The following ARHGEF7 variants were observed in gnomAD, a reference collection of about 807,000 sequenced individuals.
ARHGEF7 encodes Rho guanine nucleotide exchange factor 7, also known as PAK-interacting exchange factor beta.
ARHGEF7 carries 33 observed loss-of-function variants against 109.8 expected under a neutral mutation model. The ratio of observed to expected loss-of-function variants is 0.30; its 90% CI spans 0.23 to 0.40. ARHGEF7 has a LOEUF of 0.40. ARHGEF7 is among the 10% of genes least tolerant of loss of function. The pLI, the probability that ARHGEF7 is intolerant of heterozygous loss-of-function variation, is 1.00. For synonymous variants in ARHGEF7, 458 were observed against 424.6 expected (o/e 1.08, Z -0.97); for missense variants, 938 against 1,098.5 (o/e 0.85, Z 2.07).
At chr13:111,188,379 T>TA (rs2079493359) in intron 2 of ARHGEF7, among the ~76,000 whole-genome samples, 1 of 152,238 alleles carries the variant, frequency 6.6e-6, no homozygotes. Flanking sequence ...CACTGAGTTT[T>TA]AGAGTGAGTT....
chr13:111,152,701 C>G (rs1566635476), intron 1 of ARHGEF7, among the ~76,000 whole-genome samples: 1 of 152,188 alleles, frequency 6.6e-6, no homozygotes, highest in Non-Finnish European at 1.5e-5. Flanking sequence ...TGCTAGAGTT[C>G]TAGATGACGC....
At chr13:111,224,322 G>T (rs922188283) in intron 5 of ARHGEF7, among the ~76,000 whole-genome samples, 12 of 152,080 alleles carry the variant, frequency 7.9e-5, no homozygotes, top group African/African-American at 2.9e-4. Context: ...GCTGTGATTG[G>T]ATAGAAGTGG....
At chr13:111,274,185 T>C (rs1470419862) in intron 10 of ARHGEF7, among the ~76,000 whole-genome samples, 3 of 152,216 alleles carry the variant, frequency 2.0e-5, no homozygotes, top group Non-Finnish European at 4.4e-5. Context: ...TTCCAAAAGC[T>C]GAAACATGAG....
chr13:111,285,762 A>G (rs552373474), intron 16 of ARHGEF7, among the ~76,000 whole-genome samples: 1 of 152,286 alleles, frequency 6.6e-6, no homozygotes, highest in Non-Finnish European at 1.5e-5. Context: ...TAGCTGTGCC[A>G]GGGGATAGGT....
intron 4 of ARHGEF7, among the ~76,000 whole-genome samples, chr13:111,214,188 G>A (rs1371161419): frequency 6.6e-6 from 1 of 152,200 alleles, no homozygotes; most frequent in Non-Finnish European, 1.5e-5. Flanking sequence ...TCCCTCACCC[G>A]TACCTTAAGT....
intron 2 of ARHGEF7, chr13:111,159,003 A>G: frequency 1.4e-6 from 1 of 718,178 alleles, no homozygotes; most frequent in South Asian, 1.5e-5. Context: ...CCCTTTGACT[A>G]ACATCTCCCC....
intron 12 of ARHGEF7, among the ~76,000 whole-genome samples, chr13:111,277,007 A>G (rs972717756): frequency 6.6e-6 from 1 of 152,188 alleles, no homozygotes; most frequent in East Asian, 1.9e-4. Context: ...GATGTAAACC[A>G]GGTGATGTTT....
intron 2 of ARHGEF7, chr13:111,159,161 C>G (rs1196416903): frequency 1.4e-6 from 1 of 701,920 alleles, no homozygotes. Context: ...GCCCTGCTTT[C>G]TCTTAGCACA....
Position 111,228,618 on chromosome 13 carries a change from C to T in ARHGEF7, c.671-4587C>T, listed in dbSNP as rs111746950. On this transcript the variant is annotated intron_variant, in intron 5 of 21. Coordinates refer to ENST00000646102, the MANE Select transcript of ARHGEF7 (RefSeq NM_001354046.2). The surrounding 1 kb of genome is among the most constrained non-coding windows in gnomAD (Gnocchi z 4.6). ...AATTATAACATTTTCGAACAAAGAT[C>T]GAGCGTCTTAGCAGATCATCCCTTG... 3.3e-5 allele frequency among the ~76,000 whole-genome samples: 5 copies of T among 152,078 alleles called. No individual in the cohort carries two copies. The highest frequency in any genetic ancestry group is 2.6e-4 in the Admixed American group (4 of 15,272).
intron 2 of ARHGEF7, among the ~76,000 whole-genome samples, chr13:111,178,184 C>T (rs1335484560): frequency 6.6e-6 from 1 of 152,164 alleles, no homozygotes; most frequent in Non-Finnish European, 1.5e-5. Flanking sequence ...CCTCCTCTCT[C>T]TTTTTCTTGA....
In ARHGEF7 at chr13:111,255,134, G is replaced by A. The variant is rs112895684; in HGVS notation, c.950+10840G>A. ...CGGGCTAAGGCGCTGAGTCGCTAAC[G>A]TGAAGGCCGGGCCCAGAAGAGGATT... On this transcript the variant is annotated intron_variant, in intron 8 of 21. Coordinates refer to ENST00000646102, the MANE Select transcript of ARHGEF7 (RefSeq NM_001354046.2). The surrounding 1 kb of genome is among the most constrained non-coding windows in gnomAD (Gnocchi z 4.1). 4.0e-5 allele frequency among the ~76,000 whole-genome samples: 4 copies of A among 100,286 alleles called. No individual in the cohort carries two copies. Among genetic ancestry groups the A allele is most frequent in the African/African-American group, 7.7e-5 (2 of 25,822 alleles). The allele number at this position is 100,286 out of a possible 152,430, so 65.8% of individuals were successfully genotyped here. A position where few individuals can be genotyped will look rare whatever the true frequency, so the allele number is the denominator to read the frequency against.
At chr13:111,232,536 G>C (rs1425457728) in intron 5 of ARHGEF7, among the ~76,000 whole-genome samples, 1 of 152,228 alleles carries the variant, frequency 6.6e-6, no homozygotes, top group African/African-American at 2.4e-5. Context: ...TGTTTCTTCA[G>C]CACCTGTTAT....
At chr13:111,147,940 G>A (rs951740421) in intron 1 of ARHGEF7, among the ~76,000 whole-genome samples, 6 of 151,894 alleles carry the variant, frequency 4.0e-5, no homozygotes, top group Admixed American at 2.0e-4. Context: ...CTCGTGATCC[G>A]CCCGCCTCGG....
At chr13:111,291,765 A>G (rs117053227) in intron 18 of ARHGEF7, among the ~76,000 whole-genome samples, 2,129 of 152,370 alleles carry the variant, frequency 0.014, 22 homozygotes, top group Middle Eastern at 0.061. Context: ...TAATTGCCAC[A>G]TGTCTATAGA....
At chr13:111,281,160 A>ACTTG (rs1282747330) in intron 15 of ARHGEF7, 4 of 143,666 alleles carry the variant, frequency 2.8e-5, no homozygotes, top group African/African-American at 1.0e-4. Flanking sequence ...AAAGCTCAAC[A>ACTTG]AGTCTTTGGA....
At chr13:111,178,967 CTTTT>C (rs557713033) in intron 2 of ARHGEF7, among the ~76,000 whole-genome samples, 8 of 151,184 alleles carry the variant, frequency 5.3e-5, no homozygotes, top group Non-Finnish European at 1.0e-4. Flanking sequence ...CGTCCCCCCC[CTTTT>C]TTTTTGTTTT....
intron 20 of ARHGEF7, 24 bp downstream of exon 20, chr13:111,300,871 A>C (rs2093549239): frequency 6.6e-7 from 1 of 1,525,216 alleles, no homozygotes. Context: ...CGGTATTCTA[A>C]AGCAGATGTT....
Position 111,295,196 on chromosome 13 carries a change from C to T in ARHGEF7, c.2311+2902C>T, listed in dbSNP as rs2274204. On this transcript the variant is annotated intron_variant, in intron 19 of 21. Transcript: ENST00000646102. ...GAAATAAATTTTGCATTTGCTAGCC[C>T]GTGGCTTTTAATATTTGTTACATGG... 259 of 985,636 alleles carry T rather than the reference C, an allele frequency of 2.6e-4. 3 individuals are homozygous for T. The East Asian group carries it at 0.022, about 82-fold the overall frequency. The allele number at this position is 985,636 out of a possible 1,614,324, so 61.1% of individuals were successfully genotyped here.
intron 2 of ARHGEF7, among the ~76,000 whole-genome samples, chr13:111,188,332 C>T (rs980757552): frequency 3.3e-5 from 5 of 152,206 alleles, no homozygotes; most frequent in African/African-American, 9.7e-5. Flanking sequence ...AACGCTGACA[C>T]GCAGAAACTG....
Sources: gnomAD v4.1 joint callset for allele counts (sites outside exome capture counted in the v4.1 genomes callset) on GRCh38, gnomAD v4.1.1 for gene constraint, Gnocchi (gnomAD v3.1) non-coding constraint, MANE v1.5 for transcripts, NCBI Gene and HGNC (gene_info 2026-07-23, HGNC 2026-07-21) for gene names.